Variants in ERC1 observed in about 807,000 individuals in gnomAD.
ERC1 encodes RAB6 interacting protein 2.
ERC1 carries 56 observed loss-of-function variants against 132.0 expected under a neutral mutation model. The observed-to-expected ratio is 0.42, with a 90% CI of 0.34 to 0.53. The LOEUF (loss-of-function observed/expected upper bound fraction) is 0.53, where lower values mean the gene tolerates loss of function less well. Ranked by LOEUF, ERC1 falls within the 20% of genes least tolerant of loss-of-function variation. The probability of loss-of-function intolerance (pLI) is 0.03; values close to 1 mark genes in which losing one functional copy is unlikely to be tolerated. For synonymous variants in ERC1, 478 were observed against 476.1 expected, an observed-to-expected ratio of 1.00 and a Z score of -0.05; for missense variants, 1,202 against 1,349.9, an observed-to-expected ratio of 0.89 and a Z score of 1.72.
chr12:1,179,524 T>TTC (rs1954140110), intron 8 of ERC1, among the ~76,000 whole-genome samples: 1 of 111,316 alleles, frequency 9.0e-6, no homozygotes, highest in Admixed American at 8.8e-5. Flanking sequence ...TTTTTTTTTT[T>TTC]TGAGACGGAG....
intron 17 of ERC1, among the ~76,000 whole-genome samples, chr12:1,440,181 T>C (rs1426890544): frequency 1.3e-5 from 2 of 151,698 alleles, no homozygotes; most frequent in African/African-American, 4.8e-5. Flanking sequence ...CATTCTTTTT[T>C]AAGTTTTCTT....
rs927927215 is a variant in ERC1 at position 1,220,862 on chromosome 12, G to A, written c.2352-15907G>A. ...CATTAGTGGCCTGCTGCATCTGTCT[G>A]CTTCACCTGGGCCTCGTGCCCATTC... On this transcript the variant is annotated intron_variant, in intron 12 of 18. Transcript: ENST00000360905. Among the ~76,000 whole-genome samples the A allele has an allele frequency of 3.9e-5, 6 of 152,172 alleles. No homozygotes were observed. In the South Asian group the frequency reaches 1.0e-3, roughly 26 times the overall value.
chr12:1,444,894 A>AG, intron 18 of ERC1, 144 bp downstream of exon 18: 1 of 585,582 alleles, frequency 1.7e-6, no homozygotes, highest in East Asian at 3.0e-5. Flanking sequence ...GTTGCTGTGT[A>AG]GGTTCATGCA....
At chr12:1,093,565 G>A (rs145018861) in intron 3 of ERC1, among the ~76,000 whole-genome samples, 1,620 of 152,226 alleles carry the variant, frequency 0.011, 20 homozygotes, top group South Asian at 0.033. Context: ...ATTTCAGTAT[G>A]TGCTCCTACT....
chr12:1,110,186 C>T lies in ERC1; in HGVS notation c.1162-6C>T, dbSNP rs1945700529. 1 of 1,600,492 alleles carries T rather than the reference C, an allele frequency of 6.2e-7. No individual in the cohort carries two copies. Among genetic ancestry groups the T allele is most frequent in the South Asian group, 1.1e-5 (1 of 87,902 alleles). On this transcript the variant is annotated splice_region_variant and splice_polypyrimidine_tract_variant and intron_variant, in intron 4 of 18. Coordinates refer to ENST00000360905, the MANE Select transcript of ERC1 (RefSeq NM_178040.4). The stretch of plus-strand genomic sequence containing the variant: ...CTTCAATCACTAAATCTTCCATTGT[C>T]TTCAGGATTCAAAAATTTCCTCTAT...
chr12:1,158,679 C>G (rs1951623388), intron 8 of ERC1, among the ~76,000 whole-genome samples: 1 of 151,658 alleles, frequency 6.6e-6, no homozygotes, highest in South Asian at 2.1e-4. Context: ...TCTCGAACTC[C>G]CGTCCTCAGG....
chr12:1,073,026 G>T (rs1940682804), intron 2 of ERC1, among the ~76,000 whole-genome samples: 1 of 152,126 alleles, frequency 6.6e-6, no homozygotes, highest in Admixed American at 6.5e-5. Context: ...TTCAGGCCAG[G>T]TGCGGTGGCT....
chr12:1,217,516 T>TA (rs1958538242), intron 12 of ERC1, among the ~76,000 whole-genome samples: 1 of 152,200 alleles, frequency 6.6e-6, no homozygotes, highest in Non-Finnish European at 1.5e-5. Context: ...GGGCATTGTG[T>TA]AGCTGTTCTG....
chr12:1,008,161 A>G lies in ERC1; in HGVS notation c.-157+16839A>G, dbSNP rs375410718. Among the ~76,000 whole-genome samples, 26 of 152,352 alleles carry G rather than the reference A, an allele frequency of 1.7e-4. 1 individual carries two copies. In the South Asian group the frequency reaches 4.6e-3, roughly 27 times the overall value. ...CCACCATCACCCAGTCATCAGGTAT[A>G]GGACGTTTCTGTAATCAGAGAAGGT... On this transcript the variant is annotated intron_variant, in intron 1 of 18. Coordinates refer to ENST00000360905, the MANE Select transcript of ERC1 (RefSeq NM_178040.4).
rs1169370937 is a variant in ERC1, at chr12:1,408,158, C to T, written c.2935C>T (p.Arg979Ter). ...AATAATTTCTTCCTAGACGCAAAAT[C>T]GAATGAAGCTAATGGCCGACAACTA... The part of the protein sequence containing the change: ...VQQLKQQTQN[R>*]MKLMADNYED... Residue 979 changes from arginine (R) to a stop codon, truncating the protein, a stop_gained, in exon 17 of 19, where the codon CGA (arginine) becomes TGA (stop). Transcript: ENST00000360905. LOFTEE classifies it high-confidence loss of function. The T allele has an allele frequency of 1.9e-6, 3 of 1,613,176 alleles. No individual in the cohort carries two copies. The highest frequency in any genetic ancestry group is 2.5e-6 in the Non-Finnish European group (3 of 1,179,344).
Position 1,183,377 on chromosome 12 carries a change from C to A in ERC1, c.2113C>A (p.Gln705Lys). The change falls in exon 11 of 19, where the codon CAG (glutamine) becomes AAG (lysine). Residue 705 changes from glutamine to lysine, a missense_variant. Physicochemically the swap from Gln to Lys is moderately conservative, Grantham distance 53 (BLOSUM62 1). Transcript: ENST00000360905. ...TAAGACACTAGAGATTGCTTTGGAG[C>A]AGAAGAAGGAGGAGTGTCTGAAAAT... is the stretch of plus-strand genomic sequence containing the variant. ...RLKTLEIALEQKKEECLKMES... is the reference protein window; with the variant it reads ...RLKTLEIALEKKKEECLKMES... 6.3e-7 allele frequency: 1 copy of A among 1,592,866 alleles called. No individual in the cohort carries two copies. The highest frequency in any genetic ancestry group is 1.7e-4 in the Middle Eastern group (1 of 5,968).
chr12:1,380,435 A>G (rs1356446062), intron 16 of ERC1: 6 of 152,264 alleles, frequency 3.9e-5, no homozygotes, highest in African/African-American at 1.4e-4. Flanking sequence ...AGATAAGCAC[A>G]AGGCAAATCA....
chr12:1,258,907 C>G (rs895437884), intron 13 of ERC1, among the ~76,000 whole-genome samples: 3 of 152,146 alleles, frequency 2.0e-5, no homozygotes, highest in Non-Finnish European at 4.4e-5. Flanking sequence ...TGAGCACTGC[C>G]TGAAGATGTG....
chr12:1,025,878 A>G (rs1313968027), intron 1 of ERC1, among the ~76,000 whole-genome samples: 4 of 145,232 alleles, frequency 2.8e-5, no homozygotes, highest in Non-Finnish European at 1.5e-5. Flanking sequence ...GGCTCACTGC[A>G]ATGTCTGCCG....
At chr12:1,430,505 GT>G (rs1375581904) in intron 17 of ERC1, 2 of 152,216 alleles carry the variant, frequency 1.3e-5, no homozygotes, top group Non-Finnish European at 2.9e-5. Context: ...AGCCTCCCGA[GT>G]ATCTGGGATT....
Position 1,333,330 on chromosome 12 carries a change from A to ATTT in ERC1, c.2781-38484_2781-38482dup, listed in dbSNP as rs36055111. 9.9e-5 allele frequency among the ~76,000 whole-genome samples: 11 copies of ATTT among 110,724 alleles called. 1 individual carries two copies. The highest frequency in any genetic ancestry group is 1.4e-4 in the African/African-American group (4 of 27,882). 72.6% of individuals were successfully genotyped at this position (110,724 alleles called of 152,430 possible). A position where few individuals can be genotyped will look rare whatever the true frequency, so the allele number is the denominator to read the frequency against. ...GTATTCCGTGGTGTATATGTACCGCATTTTTTTTTTTTTTTTTTTTTGAGA... is the reference window on the plus strand; with the variant it reads ...GTATTCCGTGGTGTATATGTACCGCATTTTTTTTTTTTTTTTTTTTTTTTGAGA... On this transcript the variant is annotated intron_variant, in intron 15 of 18. Transcript: ENST00000360905.
At position 1,429,775 on chromosome 12, in the gene ERC1, A is replaced by G. The variant is rs79563412; in HGVS notation, c.3025-14787A>G. Reference sequence around the variant, plus strand: ...GGAGCAGTAGGCATTTGCCAGGCAGATACAATTTTAGATAAGGACATTTGC... The same window carrying G: ...GGAGCAGTAGGCATTTGCCAGGCAGGTACAATTTTAGATAAGGACATTTGC... On this transcript the variant is annotated intron_variant, in intron 17 of 18. Coordinates refer to ENST00000360905, the MANE Select transcript of ERC1 (RefSeq NM_178040.4). Among the ~76,000 whole-genome samples the G allele has an allele frequency of 5.9e-3, 898 of 152,346 alleles. 10 individuals are homozygous for G. The highest frequency in any genetic ancestry group is 0.021 in the African/African-American group (853 of 41,566).
chr12:1,121,640 GATCTCTATCTCTATCTCTATCTCT>G (rs1186900552), intron 7 of ERC1, among the ~76,000 whole-genome samples: 1 of 88,536 alleles, frequency 1.1e-5, no homozygotes, highest in African/African-American at 4.2e-5. Flanking sequence ...AAAGGCTGAT[GATCTCTATCTCTATCTCTATCTCT>G]ATCTCTATCT....
intron 17 of ERC1, among the ~76,000 whole-genome samples, chr12:1,412,369 T>C (rs2091898399): frequency 6.6e-6 from 1 of 152,242 alleles, no homozygotes; most frequent in East Asian, 1.9e-4. Flanking sequence ...TTACTTGATG[T>C]ATCCATAGAT....
Sources: gnomAD v4.1 joint callset for allele counts (sites outside exome capture counted in the v4.1 genomes callset) on GRCh38, gnomAD v4.1.1 for gene constraint, MANE v1.5 for transcripts, NCBI Gene and HGNC (gene_info 2026-07-23, HGNC 2026-07-21) for gene names.